CNTNAP2: variants seen among roughly 807,000 people sequenced by gnomAD.
The protein encoded by CNTNAP2 is contactin associated protein 2, also known as contactin-associated protein-like 2.
A neutral mutation model predicts 155.2 loss-of-function variants in CNTNAP2; 98 were observed. The observed-to-expected ratio is 0.63, with a 90% confidence interval of 0.54 to 0.75. The LOEUF is 0.75. CNTNAP2 is among the 30% of genes least tolerant of loss of function. The pLI is 0.00. For missense variants in CNTNAP2, 1,727 were observed against 1,688.1 expected (o/e 1.02, Z -0.40); for synonymous variants, 651 against 631.2 (o/e 1.03, Z -0.47).
chr7:146,738,388 G>A (rs1801655632), intron 1 of CNTNAP2, among the ~76,000 whole-genome samples: 1 of 151,862 alleles, frequency 6.6e-6, no homozygotes, highest in Non-Finnish European at 1.5e-5. Context: ...ACTTGTTTGA[G>A]TACCTTATGT....
At chr7:147,324,188 A>G (rs1446201857) in intron 9 of CNTNAP2, among the ~76,000 whole-genome samples, 1 of 152,148 alleles carries the variant, frequency 6.6e-6, no homozygotes, top group Non-Finnish European at 1.5e-5. Flanking sequence ...CTAGATCACA[A>G]GGTTCAGGAG....
chr7:147,061,819 G>A (rs1014716786), intron 4 of CNTNAP2, among the ~76,000 whole-genome samples: 4 of 152,108 alleles, frequency 2.6e-5, no homozygotes, highest in South Asian at 2.1e-4. Context: ...CTTAGTATTC[G>A]GATACTAATA....
At chr7:148,360,205 G>A (rs924267357) in intron 21 of CNTNAP2, among the ~76,000 whole-genome samples, 1 of 152,172 alleles carries the variant, frequency 6.6e-6, no homozygotes, top group Non-Finnish European at 1.5e-5. Flanking sequence ...TGGATTCCAG[G>A]CCTCACCTAG....
chr7:147,496,858 T>A (rs781182545), intron 11 of CNTNAP2: 1 of 139,620 alleles, frequency 7.2e-6, no homozygotes, highest in Non-Finnish European at 1.6e-5. Flanking sequence ...GTTGTTGCTG[T>A]TGCCGCATTT....
At chr7:146,392,670 A>G (rs1477314294) in intron 1 of CNTNAP2, among the ~76,000 whole-genome samples, 1 of 152,162 alleles carries the variant, frequency 6.6e-6, no homozygotes, top group Admixed American at 6.6e-5. Context: ...ACACAAGAAT[A>G]TATTTTTTCT....
intron 1 of CNTNAP2, among the ~76,000 whole-genome samples, chr7:146,117,904 C>T (rs190660762): frequency 6.6e-6 from 1 of 152,056 alleles, no homozygotes; most frequent in East Asian, 1.9e-4. Context: ...TATTCATAAG[C>T]GCATACTAGT....
chr7:147,396,223 T>C (rs1288027218), intron 10 of CNTNAP2, among the ~76,000 whole-genome samples: 2 of 149,782 alleles, frequency 1.3e-5, no homozygotes, highest in Non-Finnish European at 3.0e-5. Flanking sequence ...TGTGGTGTTA[T>C]ATTTGTTCAA....
intron 1 of CNTNAP2, among the ~76,000 whole-genome samples, chr7:146,168,042 T>G (rs2116813478): frequency 6.6e-6 from 1 of 151,456 alleles, no homozygotes; most frequent in Non-Finnish European, 1.5e-5. Flanking sequence ...AAATGAAGGC[T>G]GGAAGAGTCA....
intron 9 of CNTNAP2, among the ~76,000 whole-genome samples, chr7:147,303,655 T>A (rs1390293572): frequency 6.6e-6 from 1 of 152,230 alleles, no homozygotes; most frequent in African/African-American, 2.4e-5. Context: ...GCTTTATCAC[T>A]TAATTAGTGG....
intron 8 of CNTNAP2, among the ~76,000 whole-genome samples, chr7:147,141,329 C>A (rs963404786): frequency 6.6e-6 from 1 of 152,060 alleles, no homozygotes; most frequent in Non-Finnish European, 1.5e-5. Context: ...CATCTTATTG[C>A]CTAAAAGAAT....
chr7:147,569,384 G>A (rs374279665), intron 12 of CNTNAP2, among the ~76,000 whole-genome samples: 4 of 151,992 alleles, frequency 2.6e-5, no homozygotes, highest in African/African-American at 7.3e-5. Flanking sequence ...TGTCCACAAA[G>A]CAAAACAGTT....
intron 11 of CNTNAP2, among the ~76,000 whole-genome samples, chr7:147,503,964 G>T (rs916995847): frequency 6.6e-6 from 1 of 152,182 alleles, no homozygotes; most frequent in Non-Finnish European, 1.5e-5. Flanking sequence ...CTTCAAAATT[G>T]CATGTAAGGA....
chr7:146,481,996 A>G (rs988617255), intron 1 of CNTNAP2, among the ~76,000 whole-genome samples: 5 of 152,192 alleles, frequency 3.3e-5, no homozygotes, highest in African/African-American at 7.2e-5. Flanking sequence ...CTAAACTTCA[A>G]AGCATGCCTA....
At chr7:148,169,976 A>G (rs1805748328) in intron 17 of CNTNAP2, among the ~76,000 whole-genome samples, 1 of 151,976 alleles carries the variant, frequency 6.6e-6, no homozygotes, top group South Asian at 2.1e-4. Flanking sequence ...AAAAAGTTTC[A>G]TGATATGTTA....
At chr7:146,418,280 C>T (rs562603841) in intron 1 of CNTNAP2, among the ~76,000 whole-genome samples, 2 of 152,280 alleles carry the variant, frequency 1.3e-5, no homozygotes, top group South Asian at 4.1e-4. Flanking sequence ...TTTCACTCGG[C>T]CACAAATTAA....
At chr7:147,903,437 A>G (rs1731501129) in intron 13 of CNTNAP2, 128 bp from the exon 14 acceptor site, 2 of 1,009,166 alleles carry the variant, frequency 2.0e-6, no homozygotes, top group South Asian at 1.4e-5. Context: ...TTTGAAATAA[A>G]TTGACTTTTA....
intron 3 of CNTNAP2, among the ~76,000 whole-genome samples, chr7:146,961,963 T>C (rs1251159995): frequency 3.9e-5 from 6 of 152,158 alleles, no homozygotes; most frequent in Non-Finnish European, 7.3e-5. Flanking sequence ...CTTAGGCAAT[T>C]AAAGACAATT....
chr7:146,734,731 A>G (rs1351784527), intron 1 of CNTNAP2, among the ~76,000 whole-genome samples: 4 of 152,232 alleles, frequency 2.6e-5, no homozygotes. Context: ...ACTTGAACAA[A>G]TGAATTTTGA....
At chr7:147,959,727 T>C (rs1256263108) in intron 14 of CNTNAP2, among the ~76,000 whole-genome samples, 1 of 152,100 alleles carries the variant, frequency 6.6e-6, no homozygotes, top group African/African-American at 2.4e-5. Context: ...GGTGTTGCCA[T>C]GGCGATGGTA....
Sources: allele counts gnomAD v4.1 joint callset (sites outside exome capture counted in the v4.1 genomes callset), GRCh38; gene constraint gnomAD v4.1.1; transcripts MANE v1.5; gene names NCBI Gene and HGNC (gene_info 2026-07-23, HGNC 2026-07-21).